NAV2: variants seen among roughly 807,000 people sequenced by gnomAD.
NAV2 encodes neuron navigator 2.
A neutral mutation model predicts 223.2 loss-of-function variants in NAV2; 54 were observed. The observed-to-expected ratio is 0.24, with a 90% CI of 0.19 to 0.30. NAV2 has a LOEUF of 0.30. Ranked by LOEUF, NAV2 falls within the 10% of genes least tolerant of loss-of-function variation. NAV2 has a pLI of 1.00. For missense variants in NAV2, 2,806 were observed against 3,147.5 expected, an observed-to-expected ratio of 0.89 and a Z score of 2.60; for synonymous variants, 1,279 against 1,239.3, an observed-to-expected ratio of 1.03 and a Z score of -0.67.
chr11:19,541,153 G>T (rs1204942990), intron 1 of NAV2, among the ~76,000 whole-genome samples: 1 of 152,234 alleles, frequency 6.6e-6, no homozygotes. Context: ...AGTTATACAT[G>T]TAATTGGTTC....
chr11:19,911,065 T>TTTTTTTTTTTG (rs2043273648), intron 6 of NAV2, among the ~76,000 whole-genome samples: 1 of 150,876 alleles, frequency 6.6e-6, no homozygotes. Flanking sequence ...TTGATTTCAT[T>TTTTTTTTTTTG]TAGGGCAAGG....
intron 1 of NAV2, among the ~76,000 whole-genome samples, chr11:19,538,836 A>G (rs2044259543): frequency 6.6e-6 from 1 of 152,024 alleles, no homozygotes; most frequent in African/African-American, 2.4e-5. Flanking sequence ...GTTTGCTCCA[A>G]TGGGTAACAT....
chr11:19,840,167 A>C (rs1249184752), intron 2 of NAV2, among the ~76,000 whole-genome samples: 1 of 152,178 alleles, frequency 6.6e-6, no homozygotes, highest in Non-Finnish European at 1.5e-5. Context: ...ATTTATTTTG[A>C]GATTGGATTA....
chr11:19,756,460 C>T (rs78802050), intron 1 of NAV2, among the ~76,000 whole-genome samples: 1,761 of 152,216 alleles, frequency 0.012, 32 homozygotes, highest in African/African-American at 0.04. Context: ...ATTTGGACTG[C>T]GCGCAAGGGG....
chr11:19,850,258 A>G (rs181481762), intron 3 of NAV2, among the ~76,000 whole-genome samples: 80 of 152,268 alleles, frequency 5.3e-4, no homozygotes, highest in African/African-American at 1.8e-3. Context: ...GGTGCCTATC[A>G]TCTTTTGTGT....
intron 1 of NAV2, among the ~76,000 whole-genome samples, chr11:19,405,857 T>C (rs1428375014): frequency 6.6e-6 from 1 of 152,196 alleles, no homozygotes; most frequent in Non-Finnish European, 1.5e-5. Context: ...GCACTGGGTC[T>C]CCAAAAAGAG....
intron 11 of NAV2, chr11:20,027,491 A>C: frequency 1.0e-6 from 1 of 974,496 alleles, no homozygotes; most frequent in Non-Finnish European, 1.2e-6. Context: ...GCAGCTGGTC[A>C]CAGCTGCGCA....
chr11:19,596,708 A>C (rs1332798936), intron 1 of NAV2, among the ~76,000 whole-genome samples: 1 of 152,206 alleles, frequency 6.6e-6, no homozygotes. Context: ...CACAGCTTTC[A>C]TTATTACAAA....
rs1848874911 is a variant in NAV2 at position 19,382,378 on chromosome 11, G to A, written c.75+31351G>A. ...GAATTGTTGCCAGTGACCTTCGACA[G>A]CAGCACGGGGTGAGACAATTGTGCC... is the stretch of plus-strand genomic sequence containing the variant. On this transcript the variant is annotated intron_variant, in intron 1 of 37. Transcript: ENST00000360655. 3.3e-5 allele frequency among the ~76,000 whole-genome samples: 5 copies of A among 152,344 alleles called. No individual in the cohort carries two copies. In the South Asian group the frequency reaches 1.0e-3, roughly 32 times the overall value.
intron 1 of NAV2, among the ~76,000 whole-genome samples, chr11:19,633,870 G>A (rs2047417189): frequency 1.3e-5 from 2 of 152,174 alleles, no homozygotes; most frequent in Admixed American, 1.3e-4. Flanking sequence ...GTGGCCTCTT[G>A]GACAAGTCAC....
chr11:19,933,026 AC>A lies in NAV2; in HGVS notation c.932-148del. Reference sequence around the variant, plus strand: ...GGAGGAAGTCAAGCCAGAAATTAAAACCTAACCACAGATAATCCACAAAGTG... The same window carrying A: ...GGAGGAAGTCAAGCCAGAAATTAAAACTAACCACAGATAATCCACAAAGTG... On this transcript the variant is annotated intron_variant, in intron 6 of 37. Coordinates refer to ENST00000349880, the MANE Select transcript of NAV2 (RefSeq NM_145117.5). This position sits in a 1 kb window ranked among gnomAD's most constrained non-coding sequence, Gnocchi z 4.3. The A allele has an allele frequency of 1.0e-6, 1 of 975,064 alleles. No individual in the cohort carries two copies. Among genetic ancestry groups the A allele is most frequent in the Non-Finnish European group, 1.4e-6 (1 of 700,476 alleles). 60.4% of individuals were successfully genotyped at this position (975,064 alleles called of 1,614,324 possible).
intron 1 of NAV2, among the ~76,000 whole-genome samples, chr11:19,400,933 G>A (rs2729908): frequency 0.6 from 90,831 of 151,872 alleles, 27,485 homozygotes; most frequent in South Asian, 0.69. Context: ...GGGGTGAGCC[G>A]GGAGTCTTGT....
upstream of NAV2, among the ~76,000 whole-genome samples, chr11:19,349,845 G>A (rs994996491): frequency 5.9e-5 from 9 of 152,042 alleles, no homozygotes; most frequent in Non-Finnish European, 1.2e-4. Flanking sequence ...GACGTCAGCC[G>A]GGAGGTGACT....
chr11:20,059,487 C>G (rs1001180743), intron 19 of NAV2, among the ~76,000 whole-genome samples: 20 of 152,078 alleles, frequency 1.3e-4, no homozygotes, highest in African/African-American at 4.8e-4. Flanking sequence ...CCTACTAAAG[C>G]ATCTTTCTTC....
intron 1 of NAV2, among the ~76,000 whole-genome samples, chr11:19,372,096 GT>G (rs1848490925): frequency 6.6e-6 from 1 of 152,076 alleles, no homozygotes; most frequent in South Asian, 2.1e-4. Context: ...CTGTATCACA[GT>G]TAATCCTCAT....
intron 1 of NAV2, among the ~76,000 whole-genome samples, chr11:19,589,792 C>A (rs575715138): frequency 5.9e-5 from 9 of 152,284 alleles, no homozygotes; most frequent in African/African-American, 1.9e-4. Flanking sequence ...TGCTTGGTAA[C>A]CAAGGGATGG....
At chr11:19,576,712 C>A (rs764712854) in intron 1 of NAV2, among the ~76,000 whole-genome samples, 30 of 152,320 alleles carry the variant, frequency 2.0e-4, no homozygotes, top group Admixed American at 8.5e-4. Context: ...TCTGTATGGT[C>A]CTTTTCACGT....
At chr11:19,689,814 G>A (rs1221033912) in intron 1 of NAV2, among the ~76,000 whole-genome samples, 2 of 152,164 alleles carry the variant, frequency 1.3e-5, no homozygotes, top group South Asian at 2.1e-4. Context: ...GTCTTTCCAC[G>A]AGACTTTCAT....
chr11:19,556,130 A>G (rs2044882053), intron 1 of NAV2, among the ~76,000 whole-genome samples: 1 of 152,098 alleles, frequency 6.6e-6, no homozygotes, highest in Non-Finnish European at 1.5e-5. Context: ...TGTTCACTCT[A>G]CCACTGCTGG....
Sources: gnomAD v4.1 joint callset for allele counts (sites outside exome capture counted in the v4.1 genomes callset) on GRCh38, gnomAD v4.1.1 for gene constraint, Gnocchi (gnomAD v3.1) non-coding constraint, MANE v1.5 for transcripts, NCBI Gene and HGNC (gene_info 2026-07-23, HGNC 2026-07-21) for gene names.